Variants in PELI2 observed in about 807,000 individuals in gnomAD.
PELI2 encodes the protein pellino E3 ubiquitin protein ligase family member 2.
In PELI2, 23 loss-of-function variants were observed where a neutral mutation model predicts 42.3. The observed-to-expected ratio is 0.54, with a 90% CI of 0.39 to 0.77. The LOEUF is 0.77. Ranked by LOEUF, PELI2 falls within the 30% of genes least tolerant of loss-of-function variation. The probability of loss-of-function intolerance (pLI) is 0.00; values close to 1 mark genes in which losing one functional copy is unlikely to be tolerated. For synonymous variants in PELI2, 245 were observed against 212.2 expected, an observed-to-expected ratio of 1.15 and a Z score of -1.34; for missense variants, 463 against 553.2, an observed-to-expected ratio of 0.84 and a Z score of 1.64.
At chr14:56,223,281 T>G (rs1401052528) in intron 2 of PELI2, among the ~76,000 whole-genome samples, 3 of 152,186 alleles carry the variant, frequency 2.0e-5, no homozygotes, top group African/African-American at 4.8e-5. Flanking sequence ...TAATGCTTCT[T>G]CTTAAGGGGC....
intron 2 of PELI2, among the ~76,000 whole-genome samples, chr14:56,185,161 A>T (rs1461988586): frequency 6.6e-6 from 1 of 152,170 alleles, no homozygotes; most frequent in Admixed American, 6.5e-5. Flanking sequence ...TGTTTTACAT[A>T]GAGTGAGTTT....
chr14:56,192,521 A>G (rs1285649409), intron 2 of PELI2, among the ~76,000 whole-genome samples: 2 of 152,098 alleles, frequency 1.3e-5, no homozygotes, highest in African/African-American at 4.8e-5. Flanking sequence ...GTGCCCTCGT[A>G]TGATTACCAA....
intron 2 of PELI2, among the ~76,000 whole-genome samples, chr14:56,222,650 T>A (rs1887184646): frequency 1.3e-5 from 2 of 152,308 alleles, no homozygotes; most frequent in South Asian, 4.1e-4. Context: ...CTTAAGAGGA[T>A]AGGGAGCAGA....
At chr14:56,258,935 T>C (rs1407734283) in intron 2 of PELI2, among the ~76,000 whole-genome samples, 1 of 151,752 alleles carries the variant, frequency 6.6e-6, no homozygotes, top group Non-Finnish European at 1.5e-5. Context: ...AAAGCAATAA[T>C]AAATAGAAAA....
intron 1 of PELI2, chr14:56,119,728 T>TG: frequency 3.1e-6 from 3 of 962,250 alleles, no homozygotes; most frequent in African/African-American, 1.8e-5. Flanking sequence ...TGCAGGAAAC[T>TG]GGGGGGAAGG....
intron 2 of PELI2, among the ~76,000 whole-genome samples, chr14:56,200,324 C>G (rs778211639): frequency 1.7e-5 from 1 of 58,840 alleles, no homozygotes; most frequent in African/African-American, 4.1e-5. Flanking sequence ...TTTACTTTCC[C>G]TCACAACAGT....
intron 2 of PELI2, among the ~76,000 whole-genome samples, chr14:56,257,987 A>G (rs1353894469): frequency 6.6e-6 from 1 of 152,184 alleles, no homozygotes; most frequent in Non-Finnish European, 1.5e-5. Flanking sequence ...TGCATGGTGA[A>G]GCGCCACAGA....
At chr14:56,151,206 C>CACG (rs1884338553) in intron 1 of PELI2, among the ~76,000 whole-genome samples, 1 of 152,192 alleles carries the variant, frequency 6.6e-6, no homozygotes, top group Non-Finnish European at 1.5e-5. Context: ...GGTTTAATGC[C>CACG]ACGTGGCCTT....
chr14:56,144,882 T>C (rs1364817340), intron 1 of PELI2: 1 of 660,324 alleles, frequency 1.5e-6, no homozygotes. Context: ...ATAAAAGGAA[T>C]AAGGATTTCC....
chr14:56,185,393 A>G (rs1159825195), intron 2 of PELI2, among the ~76,000 whole-genome samples: 1 of 152,144 alleles, frequency 6.6e-6, no homozygotes, highest in Non-Finnish European at 1.5e-5. Context: ...CACAAAGCAA[A>G]CATTAGGCTC....
At chr14:56,233,960 C>T (rs1410080242) in intron 2 of PELI2, among the ~76,000 whole-genome samples, 1 of 152,178 alleles carries the variant, frequency 6.6e-6, no homozygotes, top group Admixed American at 6.5e-5. Flanking sequence ...AGATACTTCT[C>T]AAAAGAAGAC....
At chr14:56,293,483 T>C (rs1385231800) in intron 5 of PELI2, among the ~76,000 whole-genome samples, 1 of 146,360 alleles carries the variant, frequency 6.8e-6, no homozygotes, top group African/African-American at 2.6e-5. Context: ...ATAATATTAA[T>C]ACATGTCTAA....
rs369123046 is a variant in PELI2, at chr14:56,134,043, T to C, written c.77+15306T>C. ...TTATAAAGAATGCTTAGTTTATTTA[T>C]ATTTCTTTATAAAGAATGTGTCTTC... On this transcript the variant is annotated intron_variant, in intron 1 of 5. Coordinates refer to ENST00000267460, the MANE Select transcript of PELI2 (RefSeq NM_021255.3). 2.6e-5 allele frequency among the ~76,000 whole-genome samples: 4 copies of C among 152,382 alleles called. No homozygotes were observed. In the South Asian group the frequency reaches 8.3e-4, roughly 32 times the overall value.
chr14:56,178,066 G>T (rs966006483), intron 1 of PELI2, among the ~76,000 whole-genome samples: 4 of 152,108 alleles, frequency 2.6e-5, no homozygotes, highest in Non-Finnish European at 4.4e-5. Context: ...TTTATACTCT[G>T]CCTCTTTCCA....
chr14:56,141,386 G>A (rs1025153917), intron 1 of PELI2, among the ~76,000 whole-genome samples: 11 of 152,274 alleles, frequency 7.2e-5, no homozygotes, highest in African/African-American at 2.2e-4. Flanking sequence ...TGGCTGGCAC[G>A]AGAATGGCCA....
chr14:56,226,080 A>AC (rs1555349167), intron 2 of PELI2, among the ~76,000 whole-genome samples: 2 of 151,482 alleles, frequency 1.3e-5, no homozygotes, highest in Non-Finnish European at 2.9e-5. Context: ...AACAGGAAAA[A>AC]AAAAAGAAGA....
At chr14:56,261,438 A>G (rs142017492) in intron 2 of PELI2, among the ~76,000 whole-genome samples, 88 of 152,252 alleles carry the variant, frequency 5.8e-4, no homozygotes, top group African/African-American at 2.1e-3. Context: ...ACAGGATTTG[A>G]TGGGTGACTG....
At chr14:56,173,947 G>A (rs1885273120) in intron 1 of PELI2, among the ~76,000 whole-genome samples, 1 of 152,194 alleles carries the variant, frequency 6.6e-6, no homozygotes, top group Non-Finnish European at 1.5e-5. Context: ...TGTCGCCCAG[G>A]CTGGAGTACA....
chr14:56,126,946 T>TTCA lies in PELI2; in HGVS notation c.77+8211_77+8213dup, dbSNP rs143910550. ...CCTGACAAGACTGATAGGAAATAAA[T>TTCA]TCATTAAGTTTTTATTGAGTTGTTT... On this transcript the variant is annotated intron_variant, in intron 1 of 5. Coordinates refer to ENST00000267460, the MANE Select transcript of PELI2 (RefSeq NM_021255.3). 6.6e-3 allele frequency among the ~76,000 whole-genome samples: 1,009 copies of TTCA among 152,298 alleles called. 10 individuals carry two copies. The highest frequency in any genetic ancestry group is 0.024 in the African/African-American group (977 of 41,558).
Sources: allele counts gnomAD v4.1 joint callset (sites outside exome capture counted in the v4.1 genomes callset), GRCh38; gene constraint gnomAD v4.1.1; transcripts MANE v1.5; gene names NCBI Gene and HGNC (gene_info 2026-07-23, HGNC 2026-07-21).